Variants in LHX5 observed in about 807,000 individuals in gnomAD.
The protein encoded by LHX5 is LIM homeobox 5.
LHX5 carries 5 observed loss-of-function variants against 30.6 expected under a neutral mutation model. That is an observed-to-expected ratio of 0.16 (90% CI 0.09 to 0.34). The LOEUF (loss-of-function observed/expected upper bound fraction) is 0.34, where lower values mean the gene tolerates loss of function less well. Ranked by LOEUF, LHX5 falls within the 10% of genes least tolerant of loss-of-function variation. The probability of loss-of-function intolerance (pLI) is 1.00; values close to 1 mark genes in which losing one functional copy is unlikely to be tolerated. For synonymous variants in LHX5, 266 were observed against 252.6 expected (o/e 1.05, Z -0.50); for missense variants, 458 against 570.6 (o/e 0.80, Z 2.01).
chr12:113,463,568 G>T lies in LHX5; in HGVS notation c.842-11C>A. The T allele has an allele frequency of 6.6e-7, 1 of 1,510,102 alleles. No individual in the cohort carries two copies. Among genetic ancestry groups the T allele is most frequent in the Non-Finnish European group, 8.8e-7 (1 of 1,135,868 alleles). 93.5% of individuals were successfully genotyped at this position (1,510,102 alleles called of 1,614,324 possible). On this transcript the variant is annotated splice_polypyrimidine_tract_variant and intron_variant, in intron 4 of 4. Coordinates refer to ENST00000261731, the MANE Select transcript of LHX5 (RefSeq NM_022363.3). This position sits in a 1 kb window ranked among gnomAD's most constrained non-coding sequence, Gnocchi z 6.7. Reference sequence around the variant, plus strand: ...AGTCGCCTTGGTAGTCTGCGGAGGGGGAGCGGGAAGGAGACAGGGCGCGGT... The same window carrying T: ...AGTCGCCTTGGTAGTCTGCGGAGGGTGAGCGGGAAGGAGACAGGGCGCGGT...
At chr12:113,468,070 A>G (rs1433010184) in intron 3 of LHX5, 57 bp downstream of exon 3, 2 of 1,458,802 alleles carry the variant, frequency 1.4e-6, no homozygotes, top group African/African-American at 2.8e-5. Flanking sequence ...GACTCCTCCG[A>G]GGCTCCCGGC....
rs759181870 is a variant in LHX5, at chr12:113,468,160, C to G, written c.642G>C (p.Ala214=). 6.2e-7 allele frequency: 1 copy of G among 1,607,884 alleles called. No individual in the cohort carries two copies. The highest frequency in any genetic ancestry group is 8.5e-7 in the Non-Finnish European group (1 of 1,177,864). The stretch of plus-strand genomic sequence containing the variant: ...CGCGCATGTTGAGGCCGGTCTCCTG[C>G]GCCAGCTGCTCGCGGATGTGGCGCG... ...KPTRHIREQL[A]QETGLNMRVI... The change falls in exon 3 of 5, where the codon GCG becomes GCC. Residue 214 remains alanine (A), a synonymous_variant. Coordinates refer to ENST00000261731, the MANE Select transcript of LHX5 (RefSeq NM_022363.3).
In LHX5 at chr12:113,465,348, C is replaced by T. The variant is rs573094239; in HGVS notation, c.842-1791G>A. Among the ~76,000 whole-genome samples, 235 of 152,324 alleles carry T rather than the reference C, an allele frequency of 1.5e-3. No homozygotes were observed. The highest frequency in any genetic ancestry group is 2.9e-3 in the Non-Finnish European group (198 of 68,018). On this transcript the variant is annotated intron_variant, in intron 4 of 4. Coordinates refer to ENST00000261731, the MANE Select transcript of LHX5 (RefSeq NM_022363.3). The surrounding 1 kb of genome is among the most constrained non-coding windows in gnomAD (Gnocchi z 6.7). Reference sequence around the variant, plus strand: ...CCAGCGAAGGCCGCTGCCCCCGCGCCGTGCGCGCCGCCTCCGCCCATATGG... The same window carrying T: ...CCAGCGAAGGCCGCTGCCCCCGCGCTGTGCGCGCCGCCTCCGCCCATATGG...
chr12:113,469,545 A>G (rs762225406), intron 1 of LHX5, among the ~76,000 whole-genome samples, 200 bp from the exon 2 acceptor site: 1 of 152,204 alleles, frequency 6.6e-6, no homozygotes. Flanking sequence ...TGGGACTGCC[A>G]TGCCTCCACT....
chr12:113,469,473 A>C, intron 1 of LHX5, 128 bp from the exon 2 acceptor site: 1 of 790,412 alleles, frequency 1.3e-6, no homozygotes, highest in African/African-American at 1.7e-5. Flanking sequence ...CGGAACCCCA[A>C]TCCTGAGCGC....
In LHX5 at chr12:113,463,618, AC is replaced by A; in HGVS notation, c.842-62del. 1 of 1,449,558 alleles carries A rather than the reference AC, an allele frequency of 6.9e-7. No homozygotes were observed. The allele number at this position is 1,449,558 out of a possible 1,614,324, so 89.8% of individuals were successfully genotyped here. ...TGAGAGAAGGCGAAGTAGGCGGGGG[AC>A]CCGGGACCCGGGGAGGGGACCCGGG... On this transcript the variant is annotated intron_variant, in intron 4 of 4. Transcript: ENST00000261731. This position sits in a 1 kb window ranked among gnomAD's most constrained non-coding sequence, Gnocchi z 6.7.
At position 113,467,429 on chromosome 12, in the gene LHX5, A is replaced by G. The variant is rs949672920; in HGVS notation, c.676-8T>C. 2.6e-6 allele frequency: 4 copies of G among 1,527,866 alleles called. No homozygotes were observed. In the African/African-American group the frequency reaches 4.2e-5, roughly 16 times the overall value. 94.6% of individuals were successfully genotyped at this position (1,527,866 alleles called of 1,614,324 possible). A position where few individuals can be genotyped will look rare whatever the true frequency, so the allele number is the denominator to read the frequency against. On this transcript the variant is annotated splice_polypyrimidine_tract_variant and splice_region_variant and intron_variant, in intron 3 of 4. Coordinates refer to ENST00000261731, the MANE Select transcript of LHX5 (RefSeq NM_022363.3). The surrounding 1 kb of genome is among the most constrained non-coding windows in gnomAD (Gnocchi z 6.3). Reference sequence around the variant, plus strand: ...TCGGTTCTGAAACCACACCTGGGACAGAGGAGGGGGCTGTGAACCCAGGAT... The same window carrying G: ...TCGGTTCTGAAACCACACCTGGGACGGAGGAGGGGGCTGTGAACCCAGGAT...
Position 113,465,381 on chromosome 12 carries a change from G to A in LHX5, c.842-1824C>T, listed in dbSNP as rs923930486. Reference sequence around the variant, plus strand: ...CCGCCTCCGCCCATATGGCGGCCGGGCCGGAGGTAATTGGAACAAACGCCG... The same window carrying A: ...CCGCCTCCGCCCATATGGCGGCCGGACCGGAGGTAATTGGAACAAACGCCG... On this transcript the variant is annotated intron_variant, in intron 4 of 4. Coordinates refer to ENST00000261731, the MANE Select transcript of LHX5 (RefSeq NM_022363.3). The surrounding 1 kb of genome is among the most constrained non-coding windows in gnomAD (Gnocchi z 6.7). 9.2e-5 allele frequency among the ~76,000 whole-genome samples: 14 copies of A among 152,224 alleles called. No homozygotes were observed. Among genetic ancestry groups the A allele is most frequent in the Non-Finnish European group, 1.6e-4 (11 of 68,038 alleles).
intron 1 of LHX5, among the ~76,000 whole-genome samples, chr12:113,469,921 C>T (rs1056660928): frequency 2.0e-5 from 3 of 152,242 alleles, no homozygotes; most frequent in African/African-American, 7.2e-5. Flanking sequence ...GCTTTCCAAT[C>T]CACCGCTCTG....
chr12:113,465,296 G>C lies in LHX5; in HGVS notation c.842-1739C>G, dbSNP rs1395590686. On this transcript the variant is annotated intron_variant, in intron 4 of 4. Transcript: ENST00000261731. The surrounding 1 kb of genome is among the most constrained non-coding windows in gnomAD (Gnocchi z 6.7). Reference sequence around the variant, plus strand: ...CCCCAAAGGGACAGGGATGGGAGACGGCCGCGGCCCGCGGCGAGCCGGAAA... The same window carrying C: ...CCCCAAAGGGACAGGGATGGGAGACCGCCGCGGCCCGCGGCGAGCCGGAAA... Among the ~76,000 whole-genome samples the C allele has an allele frequency of 6.6e-6, 1 of 152,232 alleles. No homozygotes were observed. Among genetic ancestry groups the C allele is most frequent in the Non-Finnish European group, 1.5e-5 (1 of 68,032 alleles).
Position 113,465,289 on chromosome 12 carries a change from G to T in LHX5, c.842-1732C>A, listed in dbSNP as rs1377898369. Among the ~76,000 whole-genome samples, 1 of 152,258 alleles carries T rather than the reference G, an allele frequency of 6.6e-6. No individual in the cohort carries two copies. The highest frequency in any genetic ancestry group is 1.5e-5 in the Non-Finnish European group (1 of 68,044). On this transcript the variant is annotated intron_variant, in intron 4 of 4. Transcript: ENST00000261731. The surrounding 1 kb of genome is among the most constrained non-coding windows in gnomAD (Gnocchi z 6.7). ...TTTGGAGCCCCAAAGGGACAGGGATGGGAGACGGCCGCGGCCCGCGGCGAG... is the reference window on the plus strand; with the variant it reads ...TTTGGAGCCCCAAAGGGACAGGGATTGGAGACGGCCGCGGCCCGCGGCGAG...
chr12:113,469,105 G>A lies in LHX5; in HGVS notation c.397+17C>T. Reference sequence around the variant, plus strand: ...GGTGCTAAGGCCTAAGGCTAGTGAGGGGCCCAGGCTTCCTACCTGAGTTGA... The same window carrying A: ...GGTGCTAAGGCCTAAGGCTAGTGAGAGGCCCAGGCTTCCTACCTGAGTTGA... On this transcript the variant is annotated intron_variant, in intron 2 of 4. Transcript: ENST00000261731. The A allele has an allele frequency of 2.5e-6, 4 of 1,593,954 alleles. No homozygotes were observed. Among genetic ancestry groups the A allele is most frequent in the Non-Finnish European group, 3.4e-6 (4 of 1,167,116 alleles).
chr12:113,466,115 C>A lies in LHX5; in HGVS notation c.841+1141G>T, dbSNP rs1958214112. On this transcript the variant is annotated intron_variant, in intron 4 of 4. Coordinates refer to ENST00000261731, the MANE Select transcript of LHX5 (RefSeq NM_022363.3). The surrounding 1 kb of genome is among the most constrained non-coding windows in gnomAD (Gnocchi z 6.5). ...ACCTGGGTGCCTAGCTCCTGCCTTG[C>A]TAACACTGCCACTGAACCCACTTTC... 6.6e-6 allele frequency among the ~76,000 whole-genome samples: 1 copy of A among 152,214 alleles called. No individual in the cohort carries two copies. Among genetic ancestry groups the A allele is most frequent in the Non-Finnish European group, 1.5e-5 (1 of 68,034 alleles).
At position 113,463,372 on chromosome 12, in the gene LHX5, C is replaced by T. The variant is rs1274797746; in HGVS notation, c.1027G>A (p.Asp343Asn). Residue 343 changes from aspartate (D) to asparagine (N), a missense_variant, in exon 5 of 5, where the codon GAC (aspartate) becomes AAC (asparagine). This residue lies in a region of LHX5 where 255 missense variants were observed against 246.8 expected (regional missense o/e 1.03). Transcript: ENST00000261731. The surrounding 1 kb of genome is among the most constrained non-coding windows in gnomAD (Gnocchi z 6.7). ...GGTGTGTCCGGGTGCGAGATCATGT[C>T]GGTGAACCTGGGGTTGTCCGCGGCG... ...PHAADNPRFT[D>N]MISHPDTPSP... is the part of the protein sequence containing the mutation. The T allele has an allele frequency of 2.6e-6, 4 of 1,553,190 alleles. No individual in the cohort carries two copies. The Admixed American group carries it at 5.8e-5, about 22-fold the overall frequency.
chr12:113,465,425 G>A lies in LHX5; in HGVS notation c.841+1831C>T, dbSNP rs866535575. 6.4e-4 allele frequency among the ~76,000 whole-genome samples: 97 copies of A among 152,332 alleles called. No homozygotes were observed. The highest frequency in any genetic ancestry group is 2.2e-3 in the African/African-American group (92 of 41,594). The stretch of plus-strand genomic sequence containing the variant: ...AACGCCGTCTGAAAAGGGCACAAAA[G>A]CCGCAGCTGGGGCTTTGTCCGCGCT... On this transcript the variant is annotated intron_variant, in intron 4 of 4. Coordinates refer to ENST00000261731, the MANE Select transcript of LHX5 (RefSeq NM_022363.3). The surrounding 1 kb of genome is among the most constrained non-coding windows in gnomAD (Gnocchi z 6.7).
rs562602260 is a variant in LHX5, at chr12:113,465,572, C to A, written c.841+1684G>T. Among the ~76,000 whole-genome samples the A allele has an allele frequency of 1.2e-4, 19 of 152,348 alleles. No homozygotes were observed. The South Asian group carries it at 3.9e-3, about 32-fold the overall frequency. On this transcript the variant is annotated intron_variant, in intron 4 of 4. Coordinates refer to ENST00000261731, the MANE Select transcript of LHX5 (RefSeq NM_022363.3). The surrounding 1 kb of genome is among the most constrained non-coding windows in gnomAD (Gnocchi z 6.7). Reference sequence around the variant, plus strand: ...CTCGCTGGGGGCTGGGGAGTCTTCCCCACCATTACGGGGAACGAGGGGCCC... The same window carrying A: ...CTCGCTGGGGGCTGGGGAGTCTTCCACACCATTACGGGGAACGAGGGGCCC...
At chr12:113,468,067 C>G (rs1958225568) in intron 3 of LHX5, 60 bp downstream of exon 3, 1 of 1,457,572 alleles carries the variant, frequency 6.9e-7, no homozygotes, top group Non-Finnish European at 9.0e-7. Flanking sequence ...GGAGACTCCT[C>G]CGAGGCTCCC....
chr12:113,463,033 C>A lies in LHX5; in HGVS notation c.*157G>T. Reference sequence around the variant, plus strand: ...TGGGGGTCGGCCCCCCCTCGGCGCCCAGCCGAGGAGCAGCTGCCAGTTGAG... The same window carrying A: ...TGGGGGTCGGCCCCCCCTCGGCGCCAAGCCGAGGAGCAGCTGCCAGTTGAG... On this transcript the variant is annotated 3_prime_UTR_variant, in exon 5 of 5. Coordinates refer to ENST00000261731, the MANE Select transcript of LHX5 (RefSeq NM_022363.3). This position sits in a 1 kb window ranked among gnomAD's most constrained non-coding sequence, Gnocchi z 6.7. 1.5e-6 allele frequency: 1 copy of A among 668,068 alleles called. No homozygotes were observed. 41.4% of individuals were successfully genotyped at this position (668,068 alleles called of 1,614,324 possible). A position where few individuals can be genotyped will look rare whatever the true frequency, so the allele number is the denominator to read the frequency against.
chr12:113,463,960 C>G lies in LHX5; in HGVS notation c.842-403G>C, dbSNP rs1958195510. On this transcript the variant is annotated intron_variant, in intron 4 of 4. Coordinates refer to ENST00000261731, the MANE Select transcript of LHX5 (RefSeq NM_022363.3). The surrounding 1 kb of genome is among the most constrained non-coding windows in gnomAD (Gnocchi z 6.7). The stretch of plus-strand genomic sequence containing the variant: ...CAATGATTCCTAAGTGTCTTAGGGT[C>G]GGTGAGAGACACAGAGATGCGGGAC... Among the ~76,000 whole-genome samples, 1 of 152,048 alleles carries G rather than the reference C, an allele frequency of 6.6e-6. No homozygotes were observed. Among genetic ancestry groups the G allele is most frequent in the South Asian group, 2.1e-4 (1 of 4,808 alleles).
Sources: allele counts gnomAD v4.1 joint callset (sites outside exome capture counted in the v4.1 genomes callset), GRCh38; gene constraint gnomAD v4.1.1; regional missense constraint gnomAD v4.1.1; non-coding constraint Gnocchi (gnomAD v3.1); transcripts MANE v1.5; gene names NCBI Gene and HGNC (gene_info 2026-07-23, HGNC 2026-07-21).